HYDIN: variants seen among roughly 807,000 people sequenced by gnomAD.
HYDIN encodes the protein axonemal central pair apparatus protein HYDIN.
HYDIN carries 132 observed loss-of-function variants against 403.9 expected under a neutral mutation model. The ratio of observed to expected loss-of-function variants is 0.33; its 90% CI spans 0.28 to 0.38. The LOEUF is 0.38. Ranked by LOEUF, HYDIN falls within the 10% of genes least tolerant of loss-of-function variation. HYDIN has a pLI of 1.00. For missense variants in HYDIN, 2,827 were observed against 5,009.5 expected (o/e 0.56, Z 13.15); for synonymous variants, 1,202 against 1,891.7 (o/e 0.64, Z 9.46).
intron 83 of HYDIN, among the ~76,000 whole-genome samples, chr16:70,821,830 C>G (rs1394145860): frequency 6.6e-6 from 1 of 151,972 alleles, no homozygotes; most frequent in African/African-American, 2.4e-5. Context: ...AACAACAAAT[C>G]CTGGATGACA....
chr16:71,059,337 T>C (rs2082006158), intron 18 of HYDIN, among the ~76,000 whole-genome samples: 1 of 152,118 alleles, frequency 6.6e-6, no homozygotes, highest in Admixed American at 6.5e-5. Context: ...GGAAGGGGTC[T>C]AGTTTCAATC....
At chr16:71,078,808 T>C (rs1029996304) in intron 13 of HYDIN, among the ~76,000 whole-genome samples, 2 of 152,194 alleles carry the variant, frequency 1.3e-5, no homozygotes, top group Non-Finnish European at 2.9e-5. Context: ...GCCTGGCTGA[T>C]TCTTAATTGA....
chr16:71,199,905 C>A (rs1013923605), intron 1 of HYDIN, among the ~76,000 whole-genome samples: 1 of 152,096 alleles, frequency 6.6e-6, no homozygotes, highest in Admixed American at 6.6e-5. Flanking sequence ...AGGCTGAGAC[C>A]TACTGGGCTG....
At chr16:70,926,160 A>T (rs1296624116) in intron 45 of HYDIN, among the ~76,000 whole-genome samples, 1 of 144,042 alleles carries the variant, frequency 6.9e-6, no homozygotes, top group Admixed American at 7.0e-5. Context: ...ACACATGCGC[A>T]TGTATGTTTA....
rs185492593 is a variant in HYDIN at position 70,810,944 on chromosome 16, C to T, written c.14659-937G>A. On this transcript the variant is annotated intron_variant, in intron 84 of 85. Transcript: ENST00000393567. ...CAGAAATGCATATATAGTATGAGCT[C>T]TTTTTTGTGAAGAATATGTCTATGG... Among the ~76,000 whole-genome samples, 786 of 152,192 alleles carry T rather than the reference C, an allele frequency of 5.2e-3. 6 individuals are homozygous for T. The highest frequency in any genetic ancestry group is 0.02 in the Middle Eastern group (6 of 294).
At chr16:71,162,071 AT>A (rs2086022425) in intron 6 of HYDIN, among the ~76,000 whole-genome samples, 1 of 129,256 alleles carries the variant, frequency 7.7e-6, no homozygotes, top group African/African-American at 3.3e-5. Context: ...CCAGAAGGGA[AT>A]GCAGCCCTGC....
At chr16:71,171,028 T>C (rs949232871) in intron 5 of HYDIN, among the ~76,000 whole-genome samples, 2 of 152,230 alleles carry the variant, frequency 1.3e-5, no homozygotes, top group Non-Finnish European at 2.9e-5. Flanking sequence ...GGTGGCTTCC[T>C]ATCCCACTTT....
chr16:71,130,480 T>G (rs969629930), intron 8 of HYDIN, among the ~76,000 whole-genome samples: 2 of 133,622 alleles, frequency 1.5e-5, no homozygotes, highest in African/African-American at 2.9e-5. Flanking sequence ...GTTTTTTTTT[T>G]TTTTTTTTTT....
chr16:70,844,175 A>G (rs1041972650), intron 75 of HYDIN, among the ~76,000 whole-genome samples: 7 of 131,084 alleles, frequency 5.3e-5, no homozygotes, highest in South Asian at 2.2e-4. Flanking sequence ...TTATGGTTTG[A>G]GGTCTAACGT....
intron 41 of HYDIN, 140 bp from the exon 42 acceptor site, chr16:70,944,089 T>C (rs1241791779): frequency 3.1e-6 from 2 of 647,838 alleles, no homozygotes; most frequent in African/African-American, 3.6e-5. Context: ...CATTATAAAA[T>C]GGAAGGACCC....
intron 2 of HYDIN, among the ~76,000 whole-genome samples, chr16:71,186,540 G>C (rs1178549163): frequency 6.6e-6 from 1 of 152,092 alleles, no homozygotes; most frequent in Non-Finnish European, 1.5e-5. Context: ...CAACTGATTA[G>C]TTTAAGCAAA....
chr16:71,186,025 TC>T (rs2087131075), intron 2 of HYDIN, among the ~76,000 whole-genome samples: 1 of 152,212 alleles, frequency 6.6e-6, no homozygotes, highest in Non-Finnish European at 1.5e-5. Flanking sequence ...TTAAGAGGTG[TC>T]AGCTATATTG....
chr16:70,833,022 G>T lies in HYDIN; in HGVS notation c.13725C>A (p.Ser4575Arg), dbSNP rs780489011. The T allele has an allele frequency of 1.2e-6, 2 of 1,613,922 alleles. No individual in the cohort carries two copies. The highest frequency in any genetic ancestry group is 1.3e-5 in the African/African-American group (1 of 74,994). The stretch of plus-strand genomic sequence containing the variant: ...CTGAGGTAATATAGCCTTCTTCTGG[G>T]CTAATGGAGAAATGAGGCTCAAATT... ...IKKFEPHFSISPEEGYITSGM... is the reference protein window; with the variant it reads ...IKKFEPHFSIRPEEGYITSGM... Residue 4575 changes from serine (S) to arginine (R), a missense_variant, in exon 80 of 86, where the codon AGC becomes AGA. Physicochemically the swap from Ser to Arg is moderately radical, Grantham distance 110. Coordinates refer to ENST00000393567, the MANE Select transcript of HYDIN (RefSeq NM_001270974.2).
At chr16:71,066,443 T>G (rs938080849) in intron 15 of HYDIN, 29 of 158,572 alleles carry the variant, frequency 1.8e-4, no homozygotes, top group Middle Eastern at 3.2e-3. Flanking sequence ...GTGTATGTCT[T>G]CCTAAGATTC....
intron 1 of HYDIN, among the ~76,000 whole-genome samples, chr16:71,217,909 C>A (rs903842670): frequency 2.0e-5 from 3 of 152,124 alleles, no homozygotes; most frequent in Non-Finnish European, 4.4e-5. Context: ...TGAAATATTT[C>A]TTGGGGTGCT....
intron 76 of HYDIN, among the ~76,000 whole-genome samples, chr16:70,838,095 C>T (rs943529802): frequency 3.9e-5 from 6 of 152,156 alleles, no homozygotes; most frequent in African/African-American, 1.4e-4. Context: ...CTCCAAGTCA[C>T]ATCCTGAGAT....
chr16:70,990,714 A>G (rs1597483283), intron 25 of HYDIN, among the ~76,000 whole-genome samples: 1 of 152,202 alleles, frequency 6.6e-6, no homozygotes, highest in Admixed American at 6.5e-5. Context: ...GTGTACAAGG[A>G]TGGTTACATG....
intron 3 of HYDIN, among the ~76,000 whole-genome samples, chr16:71,184,278 T>G (rs1391304940): frequency 6.6e-6 from 1 of 152,066 alleles, no homozygotes; most frequent in African/African-American, 2.4e-5. Context: ...CCATAATTTG[T>G]GCATTAAAAG....
intron 45 of HYDIN, among the ~76,000 whole-genome samples, chr16:70,926,270 A>G (rs1282358196): frequency 6.6e-6 from 1 of 152,078 alleles, no homozygotes; most frequent in Non-Finnish European, 1.5e-5. Context: ...ACCATGGAAT[A>G]CTATGCAGCC....
Sources: gnomAD v4.1 joint callset for allele counts (sites outside exome capture counted in the v4.1 genomes callset) on GRCh38, gnomAD v4.1.1 for gene constraint, MANE v1.5 for transcripts, NCBI Gene and HGNC (gene_info 2026-07-23, HGNC 2026-07-21) for gene names.